CDYL2: variants seen among roughly 807,000 people sequenced by gnomAD.
CDYL2 encodes chromodomain Y like 2, also known as chromodomain Y-like protein 2.
In CDYL2, 23 loss-of-function variants were observed where a neutral mutation model predicts 49.4. The observed-to-expected ratio is 0.47, with a 90% CI of 0.34 to 0.66. The LOEUF (loss-of-function observed/expected upper bound fraction) is 0.66. CDYL2 is among the 30% of genes least tolerant of loss of function. CDYL2 has a pLI of 0.01. For missense variants in CDYL2, 678 were observed against 656.4 expected (o/e 1.03, Z -0.36); for synonymous variants, 360 against 268.8 (o/e 1.34, Z -3.32).
At chr16:80,649,033 C>T (rs1597148159) in intron 2 of CDYL2, among the ~76,000 whole-genome samples, 1 of 152,228 alleles carries the variant, frequency 6.6e-6, no homozygotes, top group African/African-American at 2.4e-5. Context: ...AGCTAGTATC[C>T]TGCTGAATGG....
chr16:80,743,227 C>G (rs1905809628), intron 1 of CDYL2, among the ~76,000 whole-genome samples: 1 of 152,176 alleles, frequency 6.6e-6, no homozygotes, highest in South Asian at 2.1e-4. Context: ...AATTACACAG[C>G]AAAACCCAAT....
At chr16:80,684,478 G>A (rs928734436) in intron 2 of CDYL2, 60 bp downstream of exon 2, 3 of 1,512,866 alleles carry the variant, frequency 2.0e-6, no homozygotes, top group Non-Finnish European at 2.7e-6. Flanking sequence ...CTAGGCTACA[G>A]GCAGAGCTCC....
intron 4 of CDYL2, among the ~76,000 whole-genome samples, chr16:80,613,753 T>C (rs909744344): frequency 6.6e-6 from 1 of 152,224 alleles, no homozygotes; most frequent in African/African-American, 2.4e-5. Context: ...CATCTGGACA[T>C]GGAGGAAAGA....
At chr16:80,742,439 G>C (rs1246585818) in intron 1 of CDYL2, 1 of 150,354 alleles carries the variant, frequency 6.7e-6, no homozygotes, top group Non-Finnish European at 1.5e-5. Flanking sequence ...TAGAAGGGTG[G>C]AGGATGGATG....
At chr16:80,786,917 T>TG (rs1298755986) in intron 1 of CDYL2, among the ~76,000 whole-genome samples, 1 of 124,766 alleles carries the variant, frequency 8.0e-6, no homozygotes, top group African/African-American at 3.1e-5. Context: ...CCAGGGCCTG[T>TG]GGGGGGTGGG....
chr16:80,617,647 C>G (rs963893887), intron 4 of CDYL2, among the ~76,000 whole-genome samples: 6 of 152,160 alleles, frequency 3.9e-5, no homozygotes. Flanking sequence ...ATGGGCGAGC[C>G]ACAGTCTCTT....
At chr16:80,665,959 G>C (rs1168058687) in intron 2 of CDYL2, among the ~76,000 whole-genome samples, 1 of 151,888 alleles carries the variant, frequency 6.6e-6, no homozygotes, top group Middle Eastern at 3.2e-3. Flanking sequence ...TAGGATCAAT[G>C]AAAAAACGAC....
At chr16:80,693,754 A>G (rs2142490661) in intron 1 of CDYL2, among the ~76,000 whole-genome samples, 1 of 152,294 alleles carries the variant, frequency 6.6e-6, no homozygotes, top group African/African-American at 2.4e-5. Flanking sequence ...ATGGGGGTGG[A>G]TTCATGACTG....
chr16:80,619,127 C>T (rs1157462404), intron 4 of CDYL2, among the ~76,000 whole-genome samples: 2 of 152,156 alleles, frequency 1.3e-5, no homozygotes, highest in African/African-American at 4.8e-5. Flanking sequence ...TGACTCTACG[C>T]TCTCCCTTTC....
intron 1 of CDYL2, among the ~76,000 whole-genome samples, chr16:80,776,213 A>T (rs988820799): frequency 6.6e-6 from 1 of 152,148 alleles, no homozygotes; most frequent in African/African-American, 2.4e-5. Flanking sequence ...TTCTCTGTCA[A>T]TTTTCAAACA....
intron 2 of CDYL2, among the ~76,000 whole-genome samples, chr16:80,654,749 C>A (rs1361760419): frequency 6.6e-6 from 1 of 152,224 alleles, no homozygotes; most frequent in Non-Finnish European, 1.5e-5. Context: ...GGGCCTGTGC[C>A]ACCCACAGCT....
intron 1 of CDYL2, among the ~76,000 whole-genome samples, chr16:80,714,318 C>A (rs1371891479): frequency 6.6e-6 from 1 of 151,684 alleles, no homozygotes; most frequent in Non-Finnish European, 1.5e-5. Context: ...AAAAAAGCTG[C>A]AAGAGAAGAT....
At chr16:80,660,521 G>C (rs1402905519) in intron 2 of CDYL2, among the ~76,000 whole-genome samples, 1 of 152,084 alleles carries the variant, frequency 6.6e-6, no homozygotes, top group Non-Finnish European at 1.5e-5. Context: ...TATCAATCCA[G>C]TGAAAAGCAT....
intron 1 of CDYL2, among the ~76,000 whole-genome samples, chr16:80,781,323 C>T (rs1046947520): frequency 6.6e-6 from 1 of 152,112 alleles, no homozygotes; most frequent in African/African-American, 2.4e-5. Flanking sequence ...ATTGTTCAAT[C>T]CATCAAGAAG....
At chr16:80,616,384 G>A (rs1906828054) in intron 4 of CDYL2, among the ~76,000 whole-genome samples, 1 of 152,174 alleles carries the variant, frequency 6.6e-6, no homozygotes, top group African/African-American at 2.4e-5. Flanking sequence ...GCTGGGGAGG[G>A]TGGACAGAGT....
At chr16:80,607,507 T>C (rs1387099405) in intron 6 of CDYL2, among the ~76,000 whole-genome samples, 1 of 152,200 alleles carries the variant, frequency 6.6e-6, no homozygotes, top group African/African-American at 2.4e-5. Flanking sequence ...AGTGGCCTTG[T>C]CTCCACCTTC....
At chr16:80,750,495 T>C (rs13335857) in intron 1 of CDYL2, among the ~76,000 whole-genome samples, 43,440 of 151,264 alleles carry the variant, frequency 0.29, 7,050 homozygotes, top group African/African-American at 0.45. Flanking sequence ...AAAAAGAGGC[T>C]ATAAACACAA....
intron 1 of CDYL2, among the ~76,000 whole-genome samples, chr16:80,689,500 G>A (rs183610714): frequency 3.9e-5 from 6 of 152,276 alleles, no homozygotes; most frequent in Admixed American, 3.3e-4. Flanking sequence ...TGATCACACA[G>A]TCAGTAGCTG....
chr16:80,711,305 T>C lies in CDYL2; in HGVS notation c.25-26176A>G, dbSNP rs188744861. On this transcript the variant is annotated intron_variant, in intron 1 of 6. Transcript: ENST00000570137. The stretch of plus-strand genomic sequence containing the variant: ...AATAGATTCTGTGAACAATATAAAG[T>C]ACGTATCTTGAACCATTTGTGTCAG... Among the ~76,000 whole-genome samples, 160 of 152,258 alleles carry C rather than the reference T, an allele frequency of 1.1e-3. 1 individual carries two copies. Among genetic ancestry groups the C allele is most frequent in the African/African-American group, 3.7e-3 (152 of 41,548 alleles).
Sources: allele counts gnomAD v4.1 joint callset (sites outside exome capture counted in the v4.1 genomes callset), GRCh38; gene constraint gnomAD v4.1.1; transcripts MANE v1.5; gene names NCBI Gene and HGNC (gene_info 2026-07-23, HGNC 2026-07-21).